Variants in TOP3A observed in about 807,000 individuals in gnomAD.
The protein encoded by TOP3A is DNA topoisomerase III alpha, also known as DNA topoisomerase 3-alpha.
A neutral mutation model predicts 111.3 loss-of-function variants in TOP3A; 64 were observed. The observed-to-expected ratio is 0.57, with a 90% CI of 0.47 to 0.71. The LOEUF (loss-of-function observed/expected upper bound fraction) is 0.71, where lower values mean the gene tolerates loss of function less well. TOP3A is among the 30% of genes least tolerant of loss of function. The pLI is 0.00. For synonymous variants in TOP3A, 484 were observed against 485.1 expected (o/e 1.00, Z 0.03); for missense variants, 1,104 against 1,285.0 (o/e 0.86, Z 2.15).
chr17:18,280,275 T>C, intron 17 of TOP3A: 1 of 285,974 alleles, frequency 3.5e-6, no homozygotes, highest in East Asian at 6.2e-5. Context: ...CAATCATCTA[T>C]CTGGAGAGGG....
intron 1 of TOP3A, among the ~76,000 whole-genome samples, chr17:18,309,779 G>A (rs867843442): frequency 5.7e-5 from 8 of 140,376 alleles, no homozygotes; most frequent in African/African-American, 1.7e-4. Context: ...GCGTGATCTC[G>A]GCTCACTGCA....
intron 10 of TOP3A, 77 bp from the exon 11 acceptor site, chr17:18,292,929 C>G: frequency 1.0e-5 from 14 of 1,367,530 alleles, no homozygotes; most frequent in Middle Eastern, 1.9e-4. Context: ...AAAGCACACA[C>G]TAACACCTGC....
chr17:18,278,905 G>A (rs543010151), intron 17 of TOP3A, among the ~76,000 whole-genome samples: 10 of 152,330 alleles, frequency 6.6e-5, no homozygotes, highest in Non-Finnish European at 1.2e-4. Flanking sequence ...TTGAACCTGG[G>A]AGTCAGAGGT....
At chr17:18,306,775 G>A (rs1981603478) in intron 4 of TOP3A, 116 bp downstream of exon 4, 1 of 723,748 alleles carries the variant, frequency 1.4e-6, no homozygotes, top group African/African-American at 1.8e-5. Context: ...TTAAATCATG[G>A]TAGTGACTTT....
At chr17:18,309,934 TCTC>T (rs1486942293) in intron 1 of TOP3A, among the ~76,000 whole-genome samples, 1 of 150,890 alleles carries the variant, frequency 6.6e-6, no homozygotes, top group East Asian at 2.1e-4. Context: ...ATGTTCTCAA[TCTC>T]CTGACCTCGT....
intron 11 of TOP3A, among the ~76,000 whole-genome samples, chr17:18,291,865 C>T (rs1308274721): frequency 2.0e-5 from 3 of 152,070 alleles, no homozygotes; most frequent in Non-Finnish European, 4.4e-5. Flanking sequence ...AGGCACATGC[C>T]ACCCCGTCCA....
rs1420215306 is a variant in TOP3A, at chr17:18,274,653, C to A, written c.*149G>T. On this transcript the variant is annotated 3_prime_UTR_variant, in exon 19 of 19. Transcript: ENST00000321105. ...GCTCCAGAGTGATCTGGACCTTGTG[C>A]CCCTTAACACAAGAAGGCCCGACTC... is the stretch of plus-strand genomic sequence containing the variant. 2.3e-6 allele frequency: 3 copies of A among 1,323,142 alleles called. No homozygotes were observed. Among genetic ancestry groups the A allele is most frequent in the East Asian group, 2.5e-5 (1 of 39,864 alleles). The allele number at this position is 1,323,142 out of a possible 1,614,324, so 82.0% of individuals were successfully genotyped here.
chr17:18,285,423 G>A lies in TOP3A; in HGVS notation c.1695C>T (p.Gly565=). 2 of 1,614,012 alleles carry A rather than the reference G, an allele frequency of 1.2e-6. No individual in the cohort carries two copies. The change falls in exon 14 of 19, where the codon GGC becomes GGT. Residue 565 remains glycine, a synonymous_variant. Coordinates refer to ENST00000321105, the MANE Select transcript of TOP3A (RefSeq NM_004618.5). ...PDKRFLPGHL[G]MGLVEGYDSM... ...CTCCCTTACCTTCCACAAGTCCCATGCCCAGGTGCCCAGGGAGGAACCGCT... is the reference window on the plus strand; with the variant it reads ...CTCCCTTACCTTCCACAAGTCCCATACCCAGGTGCCCAGGGAGGAACCGCT...
intron 8 of TOP3A, 58 bp downstream of exon 8, chr17:18,301,827 C>A: frequency 7.1e-7 from 1 of 1,404,116 alleles, no homozygotes; most frequent in Non-Finnish European, 1.0e-6. Context: ...CCTCTGCCGA[C>A]AGTGGGAGTG....
Position 18,294,633 on chromosome 17 carries a change from A to G in TOP3A, c.1073+70T>C, listed in dbSNP as rs541634410. ...GTGAGCCACCGTGCCCAACCCATAA[A>G]CTCTATTTCTCAAATATTTCATCCT... On this transcript the variant is annotated intron_variant, in intron 10 of 18. Transcript: ENST00000321105. 2.4e-5 allele frequency: 30 copies of G among 1,262,882 alleles called. No homozygotes were observed. The African/African-American group carries it at 3.5e-4, about 15-fold the overall frequency. The allele number at this position is 1,262,882 out of a possible 1,614,324, so 78.2% of individuals were successfully genotyped here. A position where few individuals can be genotyped will look rare whatever the true frequency, so the allele number is the denominator to read the frequency against.
intron 9 of TOP3A, among the ~76,000 whole-genome samples, chr17:18,295,880 G>T (rs1174551123): frequency 6.6e-6 from 1 of 151,476 alleles, no homozygotes; most frequent in African/African-American, 2.4e-5. Flanking sequence ...CAATTCTCCT[G>T]CCTCAGCCTC....
rs1978993416 is a variant in TOP3A, at chr17:18,271,531, GC to G, written c.*3270del. On this transcript the variant is annotated 3_prime_UTR_variant, in exon 19 of 19. Coordinates refer to ENST00000321105, the MANE Select transcript of TOP3A (RefSeq NM_004618.5). ...CCCCATTACGGATGAGGCAACTGGG[GC>G]TCCAAGGATGAGGCTGCACACCCAG... 4.7e-6 allele frequency: 1 copy of G among 211,196 alleles called. No homozygotes were observed. The highest frequency in any genetic ancestry group is 9.8e-6 in the Non-Finnish European group (1 of 101,904). 13.1% of individuals were successfully genotyped at this position (211,196 alleles called of 1,614,324 possible).
In TOP3A at chr17:18,289,972, C is replaced by T. The variant is rs546758808; in HGVS notation, c.1597+585G>A. ...CCTTGACAAAAACGAATGGAGGGGA[C>T]AGCAGATTAGTTACAAGGCCCTACC... is the stretch of plus-strand genomic sequence containing the variant. On this transcript the variant is annotated intron_variant, in intron 13 of 18. Transcript: ENST00000321105. Among the ~76,000 whole-genome samples the T allele has an allele frequency of 9.2e-5, 14 of 152,304 alleles. No individual in the cohort carries two copies. The South Asian group carries it at 2.9e-3, about 32-fold the overall frequency.
intron 10 of TOP3A, among the ~76,000 whole-genome samples, chr17:18,293,690 G>A (rs940318141): frequency 6.6e-6 from 1 of 151,866 alleles, no homozygotes; most frequent in African/African-American, 2.4e-5. Flanking sequence ...TCTGCCTCCC[G>A]GGTTCAAGCA....
At chr17:18,279,003 A>G (rs964753822) in intron 17 of TOP3A, among the ~76,000 whole-genome samples, 3 of 152,094 alleles carry the variant, frequency 2.0e-5, no homozygotes, top group African/African-American at 2.4e-5. Context: ...GGTTATGTCT[A>G]TTTTGCTCTT....
intron 7 of TOP3A, 34 bp from the exon 8 acceptor site, chr17:18,302,019 T>G: frequency 1.3e-6 from 2 of 1,587,924 alleles, no homozygotes; most frequent in Non-Finnish European, 8.6e-7. Flanking sequence ...AAAGGCTGTG[T>G]CTCAGAGACA....
At chr17:18,290,057 T>A (rs1318647631) in intron 13 of TOP3A, among the ~76,000 whole-genome samples, 2 of 152,218 alleles carry the variant, frequency 1.3e-5, no homozygotes, top group Non-Finnish European at 2.9e-5. Flanking sequence ...GAGGCCAGCG[T>A]GAGCAGCCTG....
chr17:18,282,623 G>A (rs1979827393), intron 16 of TOP3A, 75 bp downstream of exon 16: 17 of 1,584,742 alleles, frequency 1.1e-5, no homozygotes, highest in Non-Finnish European at 1.4e-5. Flanking sequence ...GAGTGAAATG[G>A]CAGGGTCTTT....
chr17:18,297,548 G>A (rs564420965), intron 9 of TOP3A, among the ~76,000 whole-genome samples: 1 of 152,232 alleles, frequency 6.6e-6, no homozygotes, highest in South Asian at 2.1e-4. Context: ...TCAGCCTGCG[G>A]ACTGCCTGCG....
Sources: allele counts gnomAD v4.1 joint callset (sites outside exome capture counted in the v4.1 genomes callset), GRCh38; gene constraint gnomAD v4.1.1; transcripts MANE v1.5; gene names NCBI Gene and HGNC (gene_info 2026-07-23, HGNC 2026-07-21).